Variants in PHACTR2 observed in about 807,000 individuals in gnomAD.
The protein encoded by PHACTR2 is chromosome 6 open reading frame 56.
A neutral mutation model predicts 76.0 loss-of-function variants in PHACTR2; 30 were observed. The ratio of observed to expected loss-of-function variants is 0.39; its 90% CI spans 0.30 to 0.54. The LOEUF is 0.54. Among genes scored for constraint, PHACTR2 ranks in the 20% least tolerant of loss-of-function variants. The pLI is 0.61. For missense variants in PHACTR2, 696 were observed against 781.1 expected (o/e 0.89, Z 1.30); for synonymous variants, 292 against 292.5 (o/e 1.00, Z 0.02).
rs949857908 is a variant in PHACTR2 at position 143,757,938 on chromosome 6, C to A, written c.455-2463C>A. The stretch of plus-strand genomic sequence containing the variant: ...CTATTTGCATACTCATATGTCCCTG[C>A]GTGTGTGTGCATGCACACGTGCGCG... On this transcript the variant is annotated intron_variant, in intron 4 of 12. Coordinates refer to ENST00000440869, the MANE Select transcript of PHACTR2 (RefSeq NM_001100164.2). The surrounding 1 kb of genome is among the most constrained non-coding windows in gnomAD (Gnocchi z 4.2). 1.4e-5 allele frequency among the ~76,000 whole-genome samples: 2 copies of A among 144,618 alleles called. No homozygotes were observed. The highest frequency in any genetic ancestry group is 2.6e-5 in the African/African-American group (1 of 38,584). The allele number at this position is 144,618 out of a possible 152,430, so 94.9% of individuals were successfully genotyped here. A position where few individuals can be genotyped will look rare whatever the true frequency, so the allele number is the denominator to read the frequency against.
upstream of PHACTR2, chr6:143,608,061 C>G: frequency 1.8e-6 from 1 of 553,506 alleles, no homozygotes; most frequent in Non-Finnish European, 3.2e-6. The surrounding 1 kb of genome is among the most constrained non-coding windows in gnomAD (Gnocchi z 4.6). Flanking sequence ...AGGTGGAAAC[C>G]CCAGGGGATT....
At position 143,737,890 on chromosome 6, in the gene PHACTR2, A is replaced by T. The variant is rs569907764; in HGVS notation, c.215-11095A>T. 2.6e-5 allele frequency among the ~76,000 whole-genome samples: 4 copies of T among 152,312 alleles called. No homozygotes were observed. The East Asian group carries it at 7.7e-4, about 29-fold the overall frequency. On this transcript the variant is annotated intron_variant, in intron 2 of 12. Coordinates refer to ENST00000440869, the MANE Select transcript of PHACTR2 (RefSeq NM_001100164.2). Reference sequence around the variant, plus strand: ...CTCTCTGTTGTGTAGGCAAGATGGTAGGTAGTGGACAGAATGTGAAGAATG... The same window carrying T: ...CTCTCTGTTGTGTAGGCAAGATGGTTGGTAGTGGACAGAATGTGAAGAATG...
At position 143,625,330 on chromosome 6, in the gene PHACTR2, G is replaced by A. The variant is rs903508175; in HGVS notation, c.13+17008G>A. ...TATCAAATTTTTACTTGGTGATTCA[G>A]AATTTAAACTATATCACTACCTGTA... On this transcript the variant is annotated intron_variant, in intron 1 of 11. Transcript: ENST00000305766. This position sits in a 1 kb window ranked among gnomAD's most constrained non-coding sequence, Gnocchi z 4.3. Among the ~76,000 whole-genome samples, 1 of 151,944 alleles carries A rather than the reference G, an allele frequency of 6.6e-6. No homozygotes were observed. The highest frequency in any genetic ancestry group is 1.9e-4 in the East Asian group (1 of 5,194).
At position 143,571,081 on chromosome 6, in the gene PHACTR2, G is replaced by A. The variant is rs1775441494; in HGVS notation, c.217+33874G>A. The stretch of plus-strand genomic sequence containing the variant: ...TACTCTTCACCTGGACTCCCCAAAT[G>A]GTAATATCTTACAAAACTGTAGTAC... On this transcript the variant is annotated intron_variant, in intron 1 of 11. Coordinates refer to the PHACTR2 transcript ENST00000367584. This position sits in a 1 kb window ranked among gnomAD's most constrained non-coding sequence, Gnocchi z 4.6. 6.6e-6 allele frequency among the ~76,000 whole-genome samples: 1 copy of A among 152,104 alleles called. No individual in the cohort carries two copies. The highest frequency in any genetic ancestry group is 2.4e-5 in the African/African-American group (1 of 41,416).
At chr6:143,574,692 T>TAAAAA in intron 1 of PHACTR2, among the ~76,000 whole-genome samples, 1 of 148,118 alleles carries the variant, frequency 6.8e-6, no homozygotes, top group Non-Finnish European at 1.5e-5. Flanking sequence ...TTGATGGCAT[T>TAAAAA]AAAAAAAAAA....
In PHACTR2 at chr6:143,541,896, C is replaced by T. The variant is rs903282974; in HGVS notation, c.217+4689C>T. ...AAGGTTGTAACTCTTTGAGTTGATGCTTTGTGCTCCGAAAGGGTGTCTGGG... is the reference window on the plus strand; with the variant it reads ...AAGGTTGTAACTCTTTGAGTTGATGTTTTGTGCTCCGAAAGGGTGTCTGGG... On this transcript the variant is annotated intron_variant, in intron 1 of 11. Coordinates refer to the PHACTR2 transcript ENST00000367584. The surrounding 1 kb of genome is among the most constrained non-coding windows in gnomAD (Gnocchi z 5.3). Among the ~76,000 whole-genome samples the T allele has an allele frequency of 6.6e-6, 1 of 152,192 alleles. No homozygotes were observed. The highest frequency in any genetic ancestry group is 2.4e-5 in the African/African-American group (1 of 41,438).
At chr6:143,773,947 T>A in intron 7 of PHACTR2, 112 bp from the exon 8 acceptor site, 1 of 742,560 alleles carries the variant, frequency 1.3e-6, no homozygotes, top group Admixed American at 2.9e-5. Flanking sequence ...TCCTCCTGCA[T>A]GAGGAGAAAG....
chr6:143,681,892 A>C (rs1377589856), intron 1 of PHACTR2, among the ~76,000 whole-genome samples: 1 of 152,248 alleles, frequency 6.6e-6, no homozygotes, highest in African/African-American at 2.4e-5. Context: ...GACTGTGTAC[A>C]TAAGGGTTTA....
In PHACTR2 at chr6:143,826,227, A is replaced by T. The variant is rs1776527655; in HGVS notation, c.*2538A>T. 1 of 152,250 alleles carries T rather than the reference A, an allele frequency of 6.6e-6. No homozygotes were observed. Among genetic ancestry groups the T allele is most frequent in the Non-Finnish European group, 1.5e-5 (1 of 68,058 alleles). 9.4% of individuals were successfully genotyped at this position (152,250 alleles called of 1,614,324 possible). A position where few individuals can be genotyped will look rare whatever the true frequency, so the allele number is the denominator to read the frequency against. Reference sequence around the variant, plus strand: ...TATTTTAGTAGAGCAGAGATGAGACATATCCCCACCGGCCACCCAGCCAGA... The same window carrying T: ...TATTTTAGTAGAGCAGAGATGAGACTTATCCCCACCGGCCACCCAGCCAGA... On this transcript the variant is annotated 3_prime_UTR_variant, in exon 13 of 13. Transcript: ENST00000440869.
Position 143,597,684 on chromosome 6 carries a change from A to G in PHACTR2, c.217+60477A>G, listed in dbSNP as rs1458884798. Among the ~76,000 whole-genome samples, 2 of 152,162 alleles carry G rather than the reference A, an allele frequency of 1.3e-5. No individual in the cohort carries two copies. The highest frequency in any genetic ancestry group is 1.5e-5 in the Non-Finnish European group (1 of 68,022). ...TTTGTGTTCTAGCATAGAGGTTTTT[A>G]AAGTCTTTATTCAGCATTGACCTAA... On this transcript the variant is annotated intron_variant, in intron 1 of 11. Coordinates refer to the PHACTR2 transcript ENST00000367584. This position sits in a 1 kb window ranked among gnomAD's most constrained non-coding sequence, Gnocchi z 5.7.
chr6:143,728,212 C>CT (rs1778620457), intron 2 of PHACTR2, among the ~76,000 whole-genome samples: 9 of 91,858 alleles, frequency 9.8e-5, no homozygotes, highest in Non-Finnish European at 1.3e-4. Context: ...TTTTTTTTTT[C>CT]TTTCTTTTTT....
rs905291144 is a variant in PHACTR2, at chr6:143,623,315, G to A, written c.13+14993G>A. On this transcript the variant is annotated intron_variant, in intron 1 of 11. Coordinates refer to the PHACTR2 transcript ENST00000305766. The surrounding 1 kb of genome is among the most constrained non-coding windows in gnomAD (Gnocchi z 5.9). ...TTAATATATGGAGAGAGAAAAAAATGTCATCATAATACCCAAATGAAGGCC... is the reference window on the plus strand; with the variant it reads ...TTAATATATGGAGAGAGAAAAAAATATCATCATAATACCCAAATGAAGGCC... 2.6e-5 allele frequency among the ~76,000 whole-genome samples: 4 copies of A among 152,216 alleles called. No homozygotes were observed. In the South Asian group the frequency reaches 6.2e-4, roughly 24 times the overall value.
chr6:143,641,541 T>TGAA lies in PHACTR2; in HGVS notation c.13+33219_13+33220insGAA, dbSNP rs1776561333. 6.6e-6 allele frequency among the ~76,000 whole-genome samples: 1 copy of TGAA among 152,176 alleles called. No homozygotes were observed. Among genetic ancestry groups the TGAA allele is most frequent in the Non-Finnish European group, 1.5e-5 (1 of 68,026 alleles). Reference sequence around the variant, plus strand: ...TTGTTTTTGAGACAGAGTTTCGCTCTTGTTACCCAGGCTGGAGTACAATGG... The same window carrying TGAA: ...TTGTTTTTGAGACAGAGTTTCGCTCTGAATGTTACCCAGGCTGGAGTACAATGG... On this transcript the variant is annotated intron_variant, in intron 1 of 11. Coordinates refer to the PHACTR2 transcript ENST00000305766. This position sits in a 1 kb window ranked among gnomAD's most constrained non-coding sequence, Gnocchi z 5.8.
At chr6:143,563,423 G>T (rs1045672341) in intron 1 of PHACTR2, among the ~76,000 whole-genome samples, 1 of 152,016 alleles carries the variant, frequency 6.6e-6, no homozygotes, top group South Asian at 2.1e-4. Flanking sequence ...AGGCATGGTG[G>T]CACACACCTG....
Position 143,619,695 on chromosome 6 carries a change from T to C in PHACTR2, c.13+11373T>C, listed in dbSNP as rs890611894. Among the ~76,000 whole-genome samples the C allele has an allele frequency of 1.3e-5, 2 of 152,258 alleles. No individual in the cohort carries two copies. Among genetic ancestry groups the C allele is most frequent in the East Asian group, 1.9e-4 (1 of 5,202 alleles). On this transcript the variant is annotated intron_variant, in intron 1 of 11. Transcript: ENST00000305766. The surrounding 1 kb of genome is among the most constrained non-coding windows in gnomAD (Gnocchi z 4.5). ...CCCAACTTGTCTTTAATTTACCACCTGCTGCATGCCTCTGCACTTCACATC... is the reference window on the plus strand; with the variant it reads ...CCCAACTTGTCTTTAATTTACCACCCGCTGCATGCCTCTGCACTTCACATC...
In PHACTR2 at chr6:143,795,767, A is replaced by G. The variant is rs375151971; in HGVS notation, c.1845+6857A>G. Among the ~76,000 whole-genome samples the G allele has an allele frequency of 6.6e-6, 1 of 152,246 alleles. No homozygotes were observed. Among genetic ancestry groups the G allele is most frequent in the South Asian group, 2.1e-4 (1 of 4,830 alleles). On this transcript the variant is annotated intron_variant, in intron 11 of 12. Transcript: ENST00000440869. The surrounding 1 kb of genome is among the most constrained non-coding windows in gnomAD (Gnocchi z 4.8). Reference sequence around the variant, plus strand: ...GTCATTTAACCTAGGTTTACTTACTAGTAAAATAAAGTCAATTATATCTAT... The same window carrying G: ...GTCATTTAACCTAGGTTTACTTACTGGTAAAATAAAGTCAATTATATCTAT...
In PHACTR2 at chr6:143,602,205, A is replaced by C. The variant is rs1775820975; in HGVS notation, c.217+64998A>C. 6.6e-6 allele frequency among the ~76,000 whole-genome samples: 1 copy of C among 151,860 alleles called. No homozygotes were observed. The highest frequency in any genetic ancestry group is 2.4e-5 in the African/African-American group (1 of 41,296). On this transcript the variant is annotated intron_variant, in intron 1 of 11. Transcript: ENST00000367584. This position sits in a 1 kb window ranked among gnomAD's most constrained non-coding sequence, Gnocchi z 6.1. ...AAGTCATCTCCACCTTGTCCCTCTA[A>C]CCTTCCCATCTAGTCAGGTTTTCTA...
intron 2 of PHACTR2, among the ~76,000 whole-genome samples, chr6:143,721,302 C>A (rs376158485): frequency 6.6e-6 from 1 of 152,172 alleles, no homozygotes; most frequent in Non-Finnish European, 1.5e-5. Flanking sequence ...TGGGTATGCT[C>A]CCAAACTAAT....
At position 143,602,099 on chromosome 6, in the gene PHACTR2, C is replaced by T. The variant is rs1234711755; in HGVS notation, c.217+64892C>T. Among the ~76,000 whole-genome samples the T allele has an allele frequency of 2.0e-5, 3 of 152,066 alleles. No individual in the cohort carries two copies. Among genetic ancestry groups the T allele is most frequent in the African/African-American group, 7.2e-5 (3 of 41,386 alleles). On this transcript the variant is annotated intron_variant, in intron 1 of 11. Transcript: ENST00000367584. This position sits in a 1 kb window ranked among gnomAD's most constrained non-coding sequence, Gnocchi z 6.1. The stretch of plus-strand genomic sequence containing the variant: ...AAATACGATTGTTAACTATAGTCAC[C>T]TCATTGTGCTGCCTAACATTAGTTC...
Sources: gnomAD v4.1 joint callset for allele counts (sites outside exome capture counted in the v4.1 genomes callset) on GRCh38, gnomAD v4.1.1 for gene constraint, Gnocchi (gnomAD v3.1) non-coding constraint, MANE v1.5 for transcripts, NCBI Gene and HGNC (gene_info 2026-07-23, HGNC 2026-07-21) for gene names.